Variants in DNER observed in about 807,000 individuals in gnomAD.
DNER encodes the protein delta/notch like EGF repeat containing.
Under a neutral mutation model 78.2 loss-of-function variants are expected in DNER, and 33 were observed. The ratio of observed to expected loss-of-function variants is 0.42; its 90% confidence interval spans 0.32 to 0.56. DNER has a LOEUF of 0.56. Among genes scored for constraint, DNER ranks in the 20% least tolerant of loss-of-function variants. The pLI is 0.11. For synonymous variants in DNER, 417 were observed against 384.8 expected (o/e 1.08, Z -0.98); for missense variants, 918 against 975.3 (o/e 0.94, Z 0.78).
At chr2:229,522,774 T>C (rs933892996) in intron 5 of DNER, among the ~76,000 whole-genome samples, 1 of 152,164 alleles carries the variant, frequency 6.6e-6, no homozygotes, top group Non-Finnish European at 1.5e-5. Flanking sequence ...TTCCTAAAGA[T>C]GGAAAGCCGA....
intron 11 of DNER, among the ~76,000 whole-genome samples, chr2:229,368,344 C>T (rs1271371495): frequency 6.6e-6 from 1 of 152,162 alleles, no homozygotes; most frequent in Admixed American, 6.5e-5. Flanking sequence ...GTCTGGGCAA[C>T]AGAGTGAGAC....
intron 1 of DNER, among the ~76,000 whole-genome samples, chr2:229,703,719 A>G (rs554467434): frequency 6.6e-6 from 1 of 152,112 alleles, no homozygotes; most frequent in Non-Finnish European, 1.5e-5. Flanking sequence ...CCTCTATTAA[A>G]AATAAGAATT....
intron 1 of DNER, among the ~76,000 whole-genome samples, chr2:229,602,148 A>G (rs751201030): frequency 1.3e-5 from 2 of 152,174 alleles, no homozygotes; most frequent in Non-Finnish European, 2.9e-5. Flanking sequence ...CAATGCCATC[A>G]ATACAGGAAA....
intron 10 of DNER, among the ~76,000 whole-genome samples, chr2:229,400,283 T>C (rs1693239514): frequency 6.6e-6 from 1 of 152,088 alleles, no homozygotes; most frequent in African/African-American, 2.4e-5. Flanking sequence ...GCAATATTTA[T>C]GGATAAGCAC....
chr2:229,398,470 A>G (rs1289421420), intron 10 of DNER, among the ~76,000 whole-genome samples: 2 of 152,178 alleles, frequency 1.3e-5, no homozygotes, highest in South Asian at 2.1e-4. Context: ...AAAACGGAAT[A>G]CAAAAGAACA....
At chr2:229,665,737 A>C (rs1188764242) in intron 1 of DNER, among the ~76,000 whole-genome samples, 1 of 152,198 alleles carries the variant, frequency 6.6e-6, no homozygotes, top group Non-Finnish European at 1.5e-5. Flanking sequence ...TATAGATTCC[A>C]ACACCATGAA....
chr2:229,651,374 AGTCGTC>A (rs1698813574), intron 1 of DNER, among the ~76,000 whole-genome samples: 1 of 152,238 alleles, frequency 6.6e-6, no homozygotes, highest in African/African-American at 2.4e-5. Flanking sequence ...AAGTCTTCTG[AGTCGTC>A]GATGTTTTCC....
chr2:229,707,600 C>T (rs1017568417), intron 1 of DNER, among the ~76,000 whole-genome samples: 2 of 152,226 alleles, frequency 1.3e-5, no homozygotes, highest in African/African-American at 4.8e-5. Flanking sequence ...AACAGTATTA[C>T]GTAGAGCCTA....
intron 5 of DNER, among the ~76,000 whole-genome samples, chr2:229,531,873 CATT>C (rs1419798808): frequency 6.6e-6 from 1 of 152,070 alleles, no homozygotes; most frequent in African/African-American, 2.4e-5. Flanking sequence ...AGCCAGAAAA[CATT>C]ATGCTGAGTG....
intron 1 of DNER, among the ~76,000 whole-genome samples, chr2:229,619,660 A>C (rs1264431466): frequency 6.6e-6 from 1 of 152,334 alleles, no homozygotes; most frequent in East Asian, 1.9e-4. Context: ...TAGTGTACTG[A>C]GGGACCATTT....
intron 1 of DNER, among the ~76,000 whole-genome samples, chr2:229,686,424 A>G (rs954375131): frequency 2.0e-5 from 3 of 152,184 alleles, no homozygotes; most frequent in African/African-American, 7.2e-5. Flanking sequence ...ATGGTCCAGG[A>G]AAGACACAGC....
At chr2:229,472,023 G>A (rs189005644) in intron 7 of DNER, among the ~76,000 whole-genome samples, 4 of 152,296 alleles carry the variant, frequency 2.6e-5, no homozygotes, top group Non-Finnish European at 4.4e-5. Flanking sequence ...GATCTTTGAT[G>A]TCTGACAGCA....
intron 12 of DNER, among the ~76,000 whole-genome samples, chr2:229,358,992 T>C (rs949625689): frequency 3.9e-5 from 6 of 152,190 alleles, no homozygotes; most frequent in African/African-American, 1.4e-4. Flanking sequence ...CATAAATATT[T>C]GGAGAGGTGA....
intron 6 of DNER, among the ~76,000 whole-genome samples, chr2:229,511,663 C>T (rs749195075): frequency 5.9e-5 from 9 of 152,264 alleles, no homozygotes; most frequent in South Asian, 4.1e-4. Context: ...TGTGGTTTAT[C>T]CTGGGTTTTT....
In DNER at chr2:229,568,305, C is replaced by A. The variant is rs532764118; in HGVS notation, c.847+17553G>T. 3.3e-5 allele frequency among the ~76,000 whole-genome samples: 5 copies of A among 152,312 alleles called. No individual in the cohort carries two copies. In the South Asian group the frequency reaches 1.0e-3, roughly 32 times the overall value. ...GGCTTAAGCAATCTTCCCACATCAA[C>A]CTCCTCAGTAGCTGGCACTACTGGT... On this transcript the variant is annotated intron_variant, in intron 4 of 12. Transcript: ENST00000341772.
intron 4 of DNER, among the ~76,000 whole-genome samples, chr2:229,578,437 A>C (rs1321590945): frequency 6.6e-6 from 1 of 152,226 alleles, no homozygotes; most frequent in African/African-American, 2.4e-5. Flanking sequence ...GGATTCGTCA[A>C]GAAATGGCTG....
At chr2:229,429,128 G>A (rs1449704837) in intron 8 of DNER, among the ~76,000 whole-genome samples, 1 of 152,104 alleles carries the variant, frequency 6.6e-6, no homozygotes, top group Non-Finnish European at 1.5e-5. Flanking sequence ...TGGAGCATAT[G>A]GGGGCTGGGG....
chr2:229,712,029 G>C (rs984562691), intron 1 of DNER, among the ~76,000 whole-genome samples: 3 of 152,032 alleles, frequency 2.0e-5, no homozygotes, highest in African/African-American at 7.3e-5. Flanking sequence ...AAGTTTTTCT[G>C]GGTAACCAAG....
At chr2:229,419,456 T>G (rs1488909952) in intron 8 of DNER, among the ~76,000 whole-genome samples, 1 of 152,218 alleles carries the variant, frequency 6.6e-6, no homozygotes, top group African/African-American at 2.4e-5. Flanking sequence ...GAATTAGAAC[T>G]ACTAGCTTTT....
Sources: gnomAD v4.1 joint callset for allele counts (sites outside exome capture counted in the v4.1 genomes callset) on GRCh38, gnomAD v4.1.1 for gene constraint, MANE v1.5 for transcripts, NCBI Gene and HGNC (gene_info 2026-07-23, HGNC 2026-07-21) for gene names.